The following DNAH12 variants were observed in gnomAD, a reference collection of about 807,000 sequenced individuals.
The protein encoded by DNAH12 is dynein axonemal heavy chain 12.
DNAH12 carries 285 observed loss-of-function variants against 371.5 expected under a neutral mutation model. The observed-to-expected ratio is 0.77, with a 90% CI of 0.70 to 0.85. The LOEUF is 0.85. Among genes scored for constraint, DNAH12 ranks in the 40% least tolerant of loss-of-function variants. The pLI, the probability that DNAH12 is intolerant of heterozygous loss-of-function variation, is 0.00. For synonymous variants in DNAH12, 1,200 were observed against 1,213.0 expected (o/e 0.99, Z 0.22); for missense variants, 3,611 against 3,689.4 (o/e 0.98, Z 0.55).
At chr3:57,381,247 G>A (rs921363010) in intron 50 of DNAH12, among the ~76,000 whole-genome samples, 1 of 151,566 alleles carries the variant, frequency 6.6e-6, no homozygotes, top group Non-Finnish European at 1.5e-5. Context: ...GTGTGTGTGT[G>A]TGTGTGTGTG....
chr3:57,518,087 A>G (rs563509408), intron 4 of DNAH12, among the ~76,000 whole-genome samples: 35 of 152,070 alleles, frequency 2.3e-4, no homozygotes, highest in African/African-American at 8.4e-4. Flanking sequence ...AAAACTTTCT[A>G]TATTATGCCC....
intron 45 of DNAH12, among the ~76,000 whole-genome samples, chr3:57,389,820 G>GTGTGTA (rs2063573600): frequency 2.8e-5 from 2 of 72,718 alleles, no homozygotes; most frequent in Admixed American, 1.5e-4. Context: ...GTGTGTGTGT[G>GTGTGTA]TGTATATATA....
At chr3:57,442,037 G>A (rs1047045773) in intron 29 of DNAH12, among the ~76,000 whole-genome samples, 4 of 152,144 alleles carry the variant, frequency 2.6e-5, no homozygotes, top group African/African-American at 7.2e-5. Flanking sequence ...AATGCTGGGC[G>A]CAGGGTGGGG....
At chr3:57,408,037 T>TA (rs1222637833) in intron 40 of DNAH12, among the ~76,000 whole-genome samples, 1 of 152,036 alleles carries the variant, frequency 6.6e-6, no homozygotes, top group African/African-American at 2.4e-5. Context: ...TTTTAGTCAT[T>TA]AAAAAAACAG....
Position 57,408,292 on chromosome 3 carries a change from A to T in DNAH12, c.6264T>A (p.Asn2088Lys). 6.5e-7 allele frequency: 1 copy of T among 1,549,910 alleles called. No homozygotes were observed. The highest frequency in any genetic ancestry group is 1.2e-5 in the South Asian group (1 of 83,590). ...ATTATTGACTGACCTCCATAGTCCC[A>T]TTGACTATCTGGTTCCCAATTACAA... ...EYFVIGNQIV[N>K]GTMEIYKQSV... Residue 2088 changes from asparagine to lysine, a missense_variant, in exon 40 of 74, where the codon AAT becomes AAA. Physicochemically the swap from Asn to Lys is moderately conservative, Grantham distance 94 (BLOSUM62 0). Coordinates refer to ENST00000495027, the MANE Select transcript of DNAH12 (RefSeq NM_001366028.2).
At chr3:57,359,252 A>G (rs1032836117) in intron 58 of DNAH12, among the ~76,000 whole-genome samples, 9 of 152,054 alleles carry the variant, frequency 5.9e-5, no homozygotes, top group Non-Finnish European at 1.3e-4. Flanking sequence ...AAAGAACAAG[A>G]TATTTTCTAA....
chr3:57,336,333 G>A (rs142046921), intron 60 of DNAH12, among the ~76,000 whole-genome samples: 7 of 152,254 alleles, frequency 4.6e-5, no homozygotes, highest in African/African-American at 1.7e-4. Flanking sequence ...TAACTAGCCA[G>A]TAAGAATGTT....
At chr3:57,315,104 C>T (rs532983961) in intron 65 of DNAH12, among the ~76,000 whole-genome samples, 3 of 152,088 alleles carry the variant, frequency 2.0e-5, no homozygotes, top group South Asian at 2.1e-4. Flanking sequence ...ATTTGATCTG[C>T]TTTGTGGCAT....
chr3:57,545,795 C>T (rs2069534627), upstream of DNAH12, among the ~76,000 whole-genome samples: 1 of 152,134 alleles, frequency 6.6e-6, no homozygotes, highest in Non-Finnish European at 1.5e-5. Context: ...AGAAAAATCT[C>T]CAGCCCATTT....
intron 43 of DNAH12, among the ~76,000 whole-genome samples, chr3:57,395,637 T>C (rs2063720911): frequency 1.3e-5 from 2 of 152,072 alleles, no homozygotes; most frequent in African/African-American, 4.8e-5. Context: ...TTTATAATTA[T>C]TAATATTATA....
Position 57,428,968 on chromosome 3 carries a change from C to T in DNAH12, c.5065-147G>A, listed in dbSNP as rs958743955. 73 of 737,058 alleles carry T rather than the reference C, an allele frequency of 9.9e-5. No homozygotes were observed. The African/African-American group carries it at 1.3e-3, about 13-fold the overall frequency. 45.7% of individuals were successfully genotyped at this position (737,058 alleles called of 1,614,324 possible). On this transcript the variant is annotated intron_variant, in intron 33 of 73. Coordinates refer to ENST00000495027, the MANE Select transcript of DNAH12 (RefSeq NM_001366028.2). ...TAGCTTCACACAGTCTAGACGTTCC[C>T]CATACAGAAAACTATTTGCAGTTCA...
the DNAH12 span, among the ~76,000 whole-genome samples, chr3:57,555,691 A>C: frequency 6.6e-6 from 1 of 152,242 alleles, no homozygotes; most frequent in Admixed American, 6.5e-5. Flanking sequence ...TATGAGGCTT[A>C]AATAAGATAG....
At chr3:57,344,304 G>A (rs1447057071) in intron 60 of DNAH12, among the ~76,000 whole-genome samples, 1 of 125,852 alleles carries the variant, frequency 7.9e-6, no homozygotes, top group African/African-American at 2.9e-5. Flanking sequence ...ATGCTGGTGA[G>A]GATGCAGAGA....
chr3:57,392,227 A>T (rs2063639655), intron 44 of DNAH12, among the ~76,000 whole-genome samples, 161 bp from the exon 45 acceptor site: 2 of 152,232 alleles, frequency 1.3e-5, no homozygotes, highest in Admixed American at 1.3e-4. Flanking sequence ...GTTTGTACTT[A>T]GAAAACCTCT....
intron 4 of DNAH12, among the ~76,000 whole-genome samples, chr3:57,522,942 A>C (rs1237614803): frequency 6.6e-6 from 1 of 152,018 alleles, no homozygotes; most frequent in African/African-American, 2.4e-5. Flanking sequence ...CAATATTAGA[A>C]TACTCAATTA....
At chr3:57,489,097 C>T (rs1272790204) in intron 12 of DNAH12, among the ~76,000 whole-genome samples, 1 of 152,078 alleles carries the variant, frequency 6.6e-6, no homozygotes, top group African/African-American at 2.4e-5. Flanking sequence ...TTTATGAATC[C>T]AATTTTATAG....
rs2063157887 is a variant in DNAH12 at position 57,370,952 on chromosome 3, C to T, written c.8760-2692G>A. 3.9e-5 allele frequency among the ~76,000 whole-genome samples: 6 copies of T among 152,196 alleles called. No individual in the cohort carries two copies. In the South Asian group the frequency reaches 1.2e-3, roughly 32 times the overall value. On this transcript the variant is annotated intron_variant, in intron 55 of 73. Transcript: ENST00000495027. ...CTGACAGAAAAATTTCAAGCCTATG[C>T]ATAAAGAGATAAGAAGGAAATGTTT...
At chr3:57,338,239 T>C (rs868960135) in intron 60 of DNAH12, among the ~76,000 whole-genome samples, 88 of 152,322 alleles carry the variant, frequency 5.8e-4, no homozygotes, top group African/African-American at 2.0e-3. Context: ...CTCCAGCTCC[T>C]GACCTCGAGT....
At chr3:57,461,814 G>A in intron 18 of DNAH12, 125 bp from the exon 19 acceptor site, 1 of 751,804 alleles carries the variant, frequency 1.3e-6, no homozygotes, top group Non-Finnish European at 2.1e-6. Context: ...AAGATAATCT[G>A]TGAGTACAGT....
Sources: allele counts gnomAD v4.1 joint callset (sites outside exome capture counted in the v4.1 genomes callset), GRCh38; gene constraint gnomAD v4.1.1; transcripts MANE v1.5; gene names NCBI Gene and HGNC (gene_info 2026-07-23, HGNC 2026-07-21).